The following BTBD8 variants were observed in gnomAD, a reference collection of about 807,000 sequenced individuals.
BTBD8 encodes the protein BTB domain containing 8.
A neutral mutation model predicts 162.9 loss-of-function variants in BTBD8; 110 were observed. The observed-to-expected ratio is 0.68, with a 90% CI of 0.58 to 0.79. BTBD8 has a LOEUF of 0.79. BTBD8 is among the 30% of genes least tolerant of loss of function. The pLI is 0.00. For missense variants in BTBD8, 1,905 were observed against 2,085.4 expected, an observed-to-expected ratio of 0.91 and a Z score of 1.68; for synonymous variants, 667 against 716.1, an observed-to-expected ratio of 0.93 and a Z score of 1.10.
At chr1:92,137,067 AGACAT>A (rs1479210237) in intron 5 of BTBD8, among the ~76,000 whole-genome samples, 1 of 152,340 alleles carries the variant, frequency 6.6e-6, no homozygotes, top group East Asian at 1.9e-4. Context: ...GTATGTGCTA[AGACAT>A]GGATGTATAA....
At chr1:92,111,085 G>A (rs1006458595) in intron 4 of BTBD8, among the ~76,000 whole-genome samples, 3 of 151,320 alleles carry the variant, frequency 2.0e-5, no homozygotes, top group Non-Finnish European at 4.4e-5. Context: ...TCTGCCCCCC[G>A]GGTTCAAGGG....
At chr1:92,116,979 G>A (rs1018309115) in intron 4 of BTBD8, among the ~76,000 whole-genome samples, 9 of 151,590 alleles carry the variant, frequency 5.9e-5, no homozygotes, top group Admixed American at 6.6e-5. Flanking sequence ...CTCCTGAGTA[G>A]CTGGGACTGC....
At chr1:92,157,366 A>G (rs1650183259) in intron 9 of BTBD8, among the ~76,000 whole-genome samples, 1 of 152,198 alleles carries the variant, frequency 6.6e-6, no homozygotes, top group South Asian at 2.1e-4. Context: ...TGTGTGCTTA[A>G]GAAGAATGTA....
chr1:92,155,902 C>T (rs1319137478), intron 9 of BTBD8, among the ~76,000 whole-genome samples: 1 of 152,094 alleles, frequency 6.6e-6, no homozygotes, highest in East Asian at 1.9e-4. Flanking sequence ...TCTTCCTTTA[C>T]AGTTTGGATG....
At chr1:92,147,072 A>T (rs146546517) in intron 7 of BTBD8, 108 bp from the exon 8 acceptor site, 1 of 653,870 alleles carries the variant, frequency 1.5e-6, no homozygotes, top group Non-Finnish European at 2.5e-6. Context: ...TTTGAGTTGT[A>T]TGTGTTCTGC....
intron 9 of BTBD8, among the ~76,000 whole-genome samples, chr1:92,156,297 T>A (rs1191343878): frequency 6.6e-6 from 1 of 152,230 alleles, no homozygotes; most frequent in Non-Finnish European, 1.5e-5. Context: ...ATTATCTTTA[T>A]AATGTACTGT....
At chr1:92,148,105 G>C (rs1649968489) in intron 9 of BTBD8, among the ~76,000 whole-genome samples, 1 of 152,102 alleles carries the variant, frequency 6.6e-6, no homozygotes, top group South Asian at 2.1e-4. Context: ...GTGGATCTGG[G>C]TACAACACTG....
chr1:92,181,145 TG>T lies in BTBD8; in HGVS notation c.3464del (p.Gly1155ValfsTer3). On this transcript the variant is annotated frameshift_variant, in exon 17 of 18. Transcript: ENST00000636805. LOFTEE classifies it high-confidence loss of function. ...CACTGTGTAATCCTGAAAGGACAAA[TG>T]GTACCTTAAATTCTGCTCAAGAAGA... ...VSLCNPERTN[G>X]TLNSAQEDKK... 6.4e-7 allele frequency: 1 copy of T among 1,551,522 alleles called. No homozygotes were observed. Among genetic ancestry groups the T allele is most frequent in the South Asian group, 1.2e-5 (1 of 84,032 alleles).
intron 7 of BTBD8, among the ~76,000 whole-genome samples, chr1:92,145,056 C>T (rs138922176): frequency 1.3e-5 from 2 of 152,018 alleles, no homozygotes; most frequent in African/African-American, 2.4e-5. Flanking sequence ...AGCTGCCTCC[C>T]AGGTTCAAGT....
At chr1:92,118,123 C>T (rs1345422605) in intron 4 of BTBD8, among the ~76,000 whole-genome samples, 1 of 151,834 alleles carries the variant, frequency 6.6e-6, no homozygotes, top group African/African-American at 2.4e-5. Flanking sequence ...GAGTCAATAT[C>T]AATACATTGT....
intron 5 of BTBD8, among the ~76,000 whole-genome samples, chr1:92,137,103 T>G (rs1262490486): frequency 6.6e-6 from 1 of 152,066 alleles, no homozygotes; most frequent in Non-Finnish European, 1.5e-5. Context: ...GTAGCTCAGG[T>G]ATAGAAAATG....
At chr1:92,083,882 C>CATAAG (rs1648087873) in intron 1 of BTBD8, among the ~76,000 whole-genome samples, 3 of 152,162 alleles carry the variant, frequency 2.0e-5, no homozygotes, top group Non-Finnish European at 4.4e-5. Flanking sequence ...AATCTTAGGA[C>CATAAG]ATTTGAAAGG....
chr1:92,080,759 A>T, intron 1 of BTBD8, 39 bp downstream of exon 1: 1 of 1,583,172 alleles, frequency 6.3e-7, no homozygotes, highest in South Asian at 1.2e-5. Flanking sequence ...TCAGTTCCTA[A>T]ATCGCCCACC....
chr1:92,123,200 T>C (rs974455017), intron 4 of BTBD8, among the ~76,000 whole-genome samples: 1 of 152,238 alleles, frequency 6.6e-6, no homozygotes, highest in African/African-American at 2.4e-5. Flanking sequence ...GTTCCAGTGA[T>C]TTATATGTCC....
At chr1:92,172,816 C>T (rs1408866035) in intron 13 of BTBD8, among the ~76,000 whole-genome samples, 1 of 152,178 alleles carries the variant, frequency 6.6e-6, no homozygotes, top group African/African-American at 2.4e-5. Flanking sequence ...AACTGGGAGA[C>T]TGGAGTTTTT....
At chr1:92,125,385 AG>A in intron 4 of BTBD8, 2 of 238,572 alleles carry the variant, frequency 8.4e-6, no homozygotes, top group Non-Finnish European at 1.7e-5. Context: ...CACAACATTC[AG>A]GCACTGCTCA....
At chr1:92,153,277 G>A (rs1004281088) in intron 9 of BTBD8, among the ~76,000 whole-genome samples, 2 of 152,214 alleles carry the variant, frequency 1.3e-5, no homozygotes, top group East Asian at 3.9e-4. Flanking sequence ...ACTTTTACCT[G>A]TGGGAAGTAG....
At chr1:92,143,966 G>GTT (rs1649841309) in intron 7 of BTBD8, among the ~76,000 whole-genome samples, 1 of 125,590 alleles carries the variant, frequency 8.0e-6, no homozygotes, top group African/African-American at 2.9e-5. Flanking sequence ...TGAACTTTTA[G>GTT]TTCTTTTTTT....
intron 5 of BTBD8, among the ~76,000 whole-genome samples, chr1:92,132,711 G>T (rs1239054228): frequency 6.6e-6 from 1 of 152,120 alleles, no homozygotes; most frequent in African/African-American, 2.4e-5. Context: ...AACTTTTACT[G>T]TAAGCAAGGC....
Sources: gnomAD v4.1 joint callset for allele counts (sites outside exome capture counted in the v4.1 genomes callset) on GRCh38, gnomAD v4.1.1 for gene constraint, MANE v1.5 for transcripts, NCBI Gene and HGNC (gene_info 2026-07-23, HGNC 2026-07-21) for gene names.